The following MSRB3 variants were observed in gnomAD, a reference collection of about 807,000 sequenced individuals.
MSRB3 encodes methionine sulfoxide reductase B3.
Under a neutral mutation model 21.0 loss-of-function variants are expected in MSRB3, and 13 were observed. The observed-to-expected ratio is 0.62, with a 90% CI of 0.40 to 0.98. MSRB3 has a LOEUF of 0.98. MSRB3 is among the 50% of genes least tolerant of loss of function. MSRB3 has a pLI of 0.00. For synonymous variants in MSRB3, 87 were observed against 88.6 expected (o/e 0.98, Z 0.10); for missense variants, 199 against 230.3 (o/e 0.86, Z 0.88).
At chr12:65,444,544 A>G (rs1293831029) in intron 5 of MSRB3, among the ~76,000 whole-genome samples, 1 of 152,186 alleles carries the variant, frequency 6.6e-6, no homozygotes, top group African/African-American at 2.4e-5. Flanking sequence ...CACTTCAGAA[A>G]ACAGAGAAAG....
intron 5 of MSRB3, among the ~76,000 whole-genome samples, chr12:65,406,442 G>A (rs969865050): frequency 6.6e-6 from 1 of 151,980 alleles, no homozygotes; most frequent in Non-Finnish European, 1.5e-5. Context: ...AGGAATTGAA[G>A]AACAATTAGA....
intron 5 of MSRB3, among the ~76,000 whole-genome samples, chr12:65,405,060 C>T (rs1490618436): frequency 6.6e-6 from 1 of 151,886 alleles, no homozygotes; most frequent in South Asian, 2.1e-4. Context: ...AAGCAATTCT[C>T]CTGCTTCAGC....
chr12:65,382,083 TATC>T (rs1878968318), intron 5 of MSRB3, among the ~76,000 whole-genome samples: 1 of 152,088 alleles, frequency 6.6e-6, no homozygotes, highest in African/African-American at 2.4e-5. Flanking sequence ...CGCTAACAAA[TATC>T]ATCCCTTTCT....
At chr12:65,416,065 C>A (rs1316633767) in intron 5 of MSRB3, among the ~76,000 whole-genome samples, 2 of 152,196 alleles carry the variant, frequency 1.3e-5, no homozygotes, top group East Asian at 3.8e-4. Flanking sequence ...AGTGAGTCAA[C>A]AGTTACAGAG....
At chr12:65,432,196 TA>T (rs1253743470) in intron 5 of MSRB3, among the ~76,000 whole-genome samples, 2 of 107,686 alleles carry the variant, frequency 1.9e-5, no homozygotes, top group African/African-American at 5.7e-5. Flanking sequence ...ATTTTGAGAG[TA>T]GAAAAAAATC....
At chr12:65,414,845 T>C (rs1331323308) in intron 5 of MSRB3, among the ~76,000 whole-genome samples, 1 of 152,154 alleles carries the variant, frequency 6.6e-6, no homozygotes, top group Admixed American at 6.5e-5. Context: ...GTAGAATAAG[T>C]TCAGGTGGGG....
intron 5 of MSRB3, among the ~76,000 whole-genome samples, chr12:65,387,201 T>C (rs962806448): frequency 1.3e-5 from 2 of 152,030 alleles, no homozygotes; most frequent in African/African-American, 4.8e-5. Flanking sequence ...AATAAATAAA[T>C]ATAAAATCAA....
chr12:65,365,378 G>A (rs536523323), intron 4 of MSRB3, among the ~76,000 whole-genome samples: 1 of 152,086 alleles, frequency 6.6e-6, no homozygotes, highest in East Asian at 1.9e-4. Flanking sequence ...GGGGGCAGGC[G>A]GGATGCTGAC....
intron 4 of MSRB3, among the ~76,000 whole-genome samples, chr12:65,354,987 A>G (rs575841487): frequency 1.3e-3 from 191 of 151,988 alleles, no homozygotes; most frequent in African/African-American, 4.4e-3. Flanking sequence ...TAGGAGGGGA[A>G]GTAGATTCAT....
intron 5 of MSRB3, among the ~76,000 whole-genome samples, chr12:65,420,632 C>G (rs181638768): frequency 6.6e-6 from 1 of 152,188 alleles, no homozygotes; most frequent in Non-Finnish European, 1.5e-5. Flanking sequence ...TCCTCCTGCC[C>G]TGCTCCCTCA....
intron 4 of MSRB3, among the ~76,000 whole-genome samples, chr12:65,358,216 A>G (rs1257371034): frequency 2.0e-5 from 3 of 151,834 alleles, no homozygotes; most frequent in African/African-American, 7.3e-5. Flanking sequence ...CTCATGGGCT[A>G]TAGTGATCCT....
intron 1 of MSRB3, among the ~76,000 whole-genome samples, chr12:65,289,079 T>C (rs898264450): frequency 6.6e-6 from 1 of 152,228 alleles, no homozygotes; most frequent in African/African-American, 2.4e-5. Context: ...GTACCCATAG[T>C]CCTATATTTT....
intron 1 of MSRB3, chr12:65,306,788 C>A (rs1873678667): frequency 1.1e-6 from 1 of 927,866 alleles, no homozygotes; most frequent in Non-Finnish European, 1.3e-6. Context: ...TCATATCATG[C>A]TGGAGGGCTC....
chr12:65,419,596 G>A (rs1302135269), intron 5 of MSRB3: 1 of 723,746 alleles, frequency 1.4e-6, no homozygotes, highest in African/African-American at 1.7e-5. Context: ...CACAGTATTT[G>A]TGAAGATATG....
intron 4 of MSRB3, among the ~76,000 whole-genome samples, chr12:65,350,677 A>G (rs1347118676): frequency 7.0e-6 from 1 of 142,398 alleles, no homozygotes; most frequent in Admixed American, 7.0e-5. Context: ...CTCTGATAAA[A>G]CAGACTTTAA....
At chr12:65,359,090 T>C (rs1158065165) in intron 4 of MSRB3, among the ~76,000 whole-genome samples, 1 of 152,066 alleles carries the variant, frequency 6.6e-6, no homozygotes, top group Non-Finnish European at 1.5e-5. Flanking sequence ...ATCAATTTTA[T>C]AACTTATAGT....
chr12:65,434,131 A>G (rs1045380344), intron 5 of MSRB3, among the ~76,000 whole-genome samples: 3 of 151,834 alleles, frequency 2.0e-5, no homozygotes, highest in Non-Finnish European at 4.4e-5. Flanking sequence ...TTTTTTGAAA[A>G]TTAGACAAGT....
intron 5 of MSRB3, among the ~76,000 whole-genome samples, chr12:65,399,630 A>C (rs1592600511): frequency 1.3e-5 from 2 of 152,168 alleles, no homozygotes; most frequent in African/African-American, 2.4e-5. Context: ...CAGAACTTCC[A>C]ATACTATGTT....
intron 1 of MSRB3, among the ~76,000 whole-genome samples, chr12:65,291,969 A>G (rs1473611883): frequency 6.6e-6 from 1 of 152,176 alleles, no homozygotes. Flanking sequence ...GAGGCAGTAA[A>G]CCATTTAGGC....
Sources: gnomAD v4.1 joint callset for allele counts (sites outside exome capture counted in the v4.1 genomes callset) on GRCh38, gnomAD v4.1.1 for gene constraint, MANE v1.5 for transcripts, NCBI Gene and HGNC (gene_info 2026-07-23, HGNC 2026-07-21) for gene names.